The following ELP3 variants were observed in gnomAD, a reference collection of about 807,000 sequenced individuals.
ELP3 encodes the protein elongator acetyltransferase complex subunit 3.
A neutral mutation model predicts 74.9 loss-of-function variants in ELP3; 56 were observed. The observed-to-expected ratio is 0.75, with a 90% confidence interval of 0.60 to 0.93. The LOEUF is 0.93. ELP3 is among the 40% of genes least tolerant of loss of function. The pLI, the probability that ELP3 is intolerant of heterozygous loss-of-function variation, is 0.00. For missense variants in ELP3, 573 were observed against 686.5 expected (o/e 0.83, Z 1.85); for synonymous variants, 222 against 239.8 (o/e 0.93, Z 0.68).
intron 7 of ELP3, among the ~76,000 whole-genome samples, chr8:28,118,495 G>A (rs568691871): frequency 6.6e-6 from 1 of 152,278 alleles, no homozygotes; most frequent in East Asian, 1.9e-4. Flanking sequence ...CTTTTGTGAA[G>A]GCTCATTAAA....
upstream of ELP3, chr8:28,093,128 G>T (rs144405711): frequency 4.0e-4 from 637 of 1,579,826 alleles, 6 homozygotes; most frequent in East Asian, 0.01. Flanking sequence ...CGACAGGCGG[G>T]ATTGTTTTGT....
chr8:28,092,922 A>G (rs2130326626), upstream of ELP3: 1 of 554,590 alleles, frequency 1.8e-6, no homozygotes, highest in East Asian at 3.3e-5. Context: ...TGTACTGCCC[A>G]GGTCGAGCTT....
At chr8:28,092,391 G>A (rs1022092483), upstream of ELP3, among the ~76,000 whole-genome samples, 1 of 152,136 alleles carries the variant, frequency 6.6e-6, no homozygotes, top group African/African-American at 2.4e-5. Context: ...ACCACGCCTG[G>A]CTAATTTTTG....
At chr8:28,128,261 G>A (rs748628657) in intron 7 of ELP3, among the ~76,000 whole-genome samples, 1 of 152,074 alleles carries the variant, frequency 6.6e-6, no homozygotes, top group African/African-American at 2.4e-5. Flanking sequence ...ATCATTTGAG[G>A]TCAGGAGTTC....
Position 28,159,823 on chromosome 8 carries a change from G to A in ELP3, c.1258-406G>A, listed in dbSNP as rs529830452. ...TCAGTGGAGGCGATAAGGACTAGAA[G>A]ATGAAACCCAAACCATTGAACACCT... On this transcript the variant is annotated intron_variant, in intron 12 of 14. Transcript: ENST00000256398. Among the ~76,000 whole-genome samples the A allele has an allele frequency of 3.3e-5, 5 of 152,284 alleles. No homozygotes were observed. In the South Asian group the frequency reaches 6.2e-4, roughly 19 times the overall value.
At chr8:28,140,275 A>G (rs1345078018) in intron 10 of ELP3, among the ~76,000 whole-genome samples, 1 of 152,172 alleles carries the variant, frequency 6.6e-6, no homozygotes, top group East Asian at 1.9e-4. Context: ...AAGTATTCAA[A>G]GAAGAAAAGG....
At position 28,189,833 on chromosome 8, in the gene ELP3, C is replaced by T. The variant is rs1815388355; in HGVS notation, c.*108C>T. ...GCTGAGCAGAGCAAATGGGGGGCTT[C>T]ACCCTCATCCCGCAGCTGCAGAGAC... is the stretch of plus-strand genomic sequence containing the variant. On this transcript the variant is annotated 3_prime_UTR_variant, in exon 15 of 15. Coordinates refer to ENST00000256398, the MANE Select transcript of ELP3 (RefSeq NM_018091.6). 1 of 1,189,210 alleles carries T rather than the reference C, an allele frequency of 8.4e-7. No homozygotes were observed. The highest frequency in any genetic ancestry group is 1.3e-5 in the South Asian group (1 of 76,016). The allele number at this position is 1,189,210 out of a possible 1,614,324, so 73.7% of individuals were successfully genotyped here.
intron 5 of ELP3, among the ~76,000 whole-genome samples, chr8:28,108,249 T>C (rs1198369682): frequency 6.6e-6 from 1 of 152,058 alleles, no homozygotes; most frequent in Non-Finnish European, 1.5e-5. Flanking sequence ...CTTATTGCAG[T>C]GTTTTGAAGA....
chr8:28,151,985 C>T (rs1471373170), intron 10 of ELP3, among the ~76,000 whole-genome samples: 7 of 152,258 alleles, frequency 4.6e-5, no homozygotes, highest in East Asian at 1.9e-4. Flanking sequence ...AGCAGTTCAT[C>T]GGTTAGAATT....
chr8:28,110,302 T>C, intron 5 of ELP3, 68 bp from the exon 6 acceptor site: 3 of 1,360,122 alleles, frequency 2.2e-6, no homozygotes, highest in South Asian at 1.2e-5. Context: ...TTTTTTAAAA[T>C]ACAGTCCTTT....
upstream of ELP3, chr8:28,092,897 A>C: frequency 2.2e-6 from 1 of 445,100 alleles, no homozygotes; most frequent in Non-Finnish European, 4.2e-6. Flanking sequence ...CTATCCAGGA[A>C]CTCTGTCCCA....
At chr8:28,186,288 T>C (rs1056550974) in intron 14 of ELP3, among the ~76,000 whole-genome samples, 2 of 152,152 alleles carry the variant, frequency 1.3e-5, no homozygotes, top group Admixed American at 6.5e-5. Context: ...GTGAATGTAT[T>C]TAGCAACACC....
intron 7 of ELP3, among the ~76,000 whole-genome samples, chr8:28,117,220 C>A (rs1812175334): frequency 6.6e-6 from 1 of 152,044 alleles, no homozygotes; most frequent in African/African-American, 2.4e-5. Context: ...ATGAAGCAGG[C>A]CAACTAAGAT....
At chr8:28,162,479 C>T (rs956358605) in intron 14 of ELP3, among the ~76,000 whole-genome samples, 4 of 152,248 alleles carry the variant, frequency 2.6e-5, no homozygotes, top group African/African-American at 9.6e-5. Flanking sequence ...CCTCAGTTGC[C>T]AGTACGAGCT....
chr8:28,173,654 G>A (rs149664442), intron 14 of ELP3, among the ~76,000 whole-genome samples: 107 of 150,728 alleles, frequency 7.1e-4, no homozygotes, highest in Admixed American at 7.3e-4. Flanking sequence ...TCCTTAAGGT[G>A]TAGAGTAGGT....
At chr8:28,153,676 C>T (rs1230292687) in intron 10 of ELP3, among the ~76,000 whole-genome samples, 7 of 152,156 alleles carry the variant, frequency 4.6e-5, no homozygotes, top group Middle Eastern at 6.8e-3. Context: ...GGGTAGGCTC[C>T]GTGGGCGAGT....
At chr8:28,140,114 TTGTGTGTGTGTGTGTGTGTG>T (rs56981709) in intron 10 of ELP3, among the ~76,000 whole-genome samples, 30 of 143,692 alleles carry the variant, frequency 2.1e-4, no homozygotes, top group Admixed American at 1.8e-3. Context: ...TGTACATATT[TTGTGTGTGTGTGTGTGTGTG>T]TGTGTGTGTG....
At chr8:28,182,489 C>T (rs541148667) in intron 14 of ELP3, among the ~76,000 whole-genome samples, 5 of 152,172 alleles carry the variant, frequency 3.3e-5, no homozygotes, top group South Asian at 4.2e-4. Context: ...TGAAGCTGGG[C>T]GGCAGAGGTT....
intron 10 of ELP3, among the ~76,000 whole-genome samples, chr8:28,153,101 A>G (rs142790802): frequency 6.6e-6 from 1 of 152,330 alleles, no homozygotes; most frequent in East Asian, 1.9e-4. Flanking sequence ...GTTTTACCAG[A>G]TGTCATATCC....
Sources: gnomAD v4.1 joint callset for allele counts (sites outside exome capture counted in the v4.1 genomes callset) on GRCh38, gnomAD v4.1.1 for gene constraint, MANE v1.5 for transcripts, NCBI Gene and HGNC (gene_info 2026-07-23, HGNC 2026-07-21) for gene names.